Variants in HS6ST3 observed in about 807,000 individuals in gnomAD.
The protein encoded by HS6ST3 is heparan-sulfate 6-O-sulfotransferase 3.
HS6ST3 carries 12 observed loss-of-function variants against 36.7 expected under a neutral mutation model. The observed-to-expected ratio is 0.33, with a 90% CI of 0.21 to 0.53. The LOEUF (loss-of-function observed/expected upper bound fraction) is 0.53, where lower values mean the gene tolerates loss of function less well. HS6ST3 is among the 20% of genes least tolerant of loss of function. The pLI, the probability that HS6ST3 is intolerant of heterozygous loss-of-function variation, is 0.95. For synonymous variants in HS6ST3, 240 were observed against 257.5 expected (o/e 0.93, Z 0.65); for missense variants, 584 against 640.9 (o/e 0.91, Z 0.96).
At chr13:96,475,392 TGAAGGC>T (rs2138893640) in intron 1 of HS6ST3, among the ~76,000 whole-genome samples, 1 of 152,218 alleles carries the variant, frequency 6.6e-6, no homozygotes, top group East Asian at 1.9e-4. Flanking sequence ...CACATTTTCC[TGAAGGC>T]TTTGGGCACT....
chr13:96,149,566 A>T (rs891910980), intron 1 of HS6ST3, among the ~76,000 whole-genome samples: 1 of 152,190 alleles, frequency 6.6e-6, no homozygotes, highest in African/African-American at 2.4e-5. Flanking sequence ...GAGAAGAGTA[A>T]ACCAAAACAT....
intron 1 of HS6ST3, among the ~76,000 whole-genome samples, chr13:96,162,627 G>A (rs1186540170): frequency 2.0e-5 from 3 of 152,178 alleles, no homozygotes; most frequent in Non-Finnish European, 4.4e-5. Flanking sequence ...GTGATAAAAG[G>A]TGGTGTGAAG....
At chr13:96,303,713 T>C (rs544231506) in intron 1 of HS6ST3, among the ~76,000 whole-genome samples, 77 of 152,320 alleles carry the variant, frequency 5.1e-4, no homozygotes, top group Non-Finnish European at 7.3e-4. Flanking sequence ...AGGTAAAATA[T>C]ATGAATAAAT....
At position 96,291,989 on chromosome 13, in the gene HS6ST3, G is replaced by T. The variant is rs563450197; in HGVS notation, c.707+200420G>T. On this transcript the variant is annotated intron_variant, in intron 1 of 1. Transcript: ENST00000376705. ...ATTACAAGATGCTAAGAGTTATGTT[G>T]TAAGTTTTTTTTTCTGTGATTAAAT... is the stretch of plus-strand genomic sequence containing the variant. Among the ~76,000 whole-genome samples the T allele has an allele frequency of 1.2e-4, 19 of 152,172 alleles. No individual in the cohort carries two copies. In the South Asian group the frequency reaches 3.9e-3, roughly 32 times the overall value.
chr13:96,163,581 C>G (rs1291596002), intron 1 of HS6ST3, among the ~76,000 whole-genome samples: 1 of 152,070 alleles, frequency 6.6e-6, no homozygotes. Flanking sequence ...TTCTTTGGTG[C>G]CTGTCCAGGT....
intron 1 of HS6ST3, among the ~76,000 whole-genome samples, chr13:96,755,465 A>G (rs1226740611): frequency 6.6e-6 from 1 of 151,944 alleles, no homozygotes; most frequent in East Asian, 1.9e-4. Flanking sequence ...TCTGTGTTCA[A>G]GCGATTCTCC....
chr13:96,384,978 G>A (rs2055360337), intron 1 of HS6ST3, among the ~76,000 whole-genome samples: 1 of 151,984 alleles, frequency 6.6e-6, no homozygotes, highest in Admixed American at 6.6e-5. Flanking sequence ...TTGGGAGTTC[G>A]AGACCAACCT....
rs1026366277 is a variant in HS6ST3 at position 96,353,046 on chromosome 13, C to CTT, written c.707+261502_707+261503dup. The stretch of plus-strand genomic sequence containing the variant: ...GAGTGTTTACTAGAGCTAGCGTATT[C>CTT]TTTTTTTTTTTTTTTTTTTTTTTTT... On this transcript the variant is annotated intron_variant, in intron 1 of 1. Transcript: ENST00000376705. Among the ~76,000 whole-genome samples the CTT allele has an allele frequency of 4.8e-3, 408 of 85,420 alleles. 21 individuals are homozygous for CTT. The highest frequency in any genetic ancestry group is 0.015 in the African/African-American group (348 of 22,500). 56.0% of individuals were successfully genotyped at this position (85,420 alleles called of 152,430 possible). A position where few individuals can be genotyped will look rare whatever the true frequency, so the allele number is the denominator to read the frequency against.
intron 1 of HS6ST3, among the ~76,000 whole-genome samples, chr13:96,731,566 T>C (rs1876154680): frequency 6.6e-6 from 1 of 152,226 alleles, no homozygotes; most frequent in Non-Finnish European, 1.5e-5. Context: ...GGTCCAGATG[T>C]CTCTTTGATA....
intron 1 of HS6ST3, among the ~76,000 whole-genome samples, chr13:96,366,978 C>T (rs931189661): frequency 2.0e-5 from 3 of 152,168 alleles, no homozygotes; most frequent in African/African-American, 7.2e-5. Context: ...CGCCTTCTGC[C>T]GTGACAGTGA....
At chr13:96,612,526 A>G (rs1410831138) in intron 1 of HS6ST3, among the ~76,000 whole-genome samples, 1 of 152,094 alleles carries the variant, frequency 6.6e-6, no homozygotes, top group Non-Finnish European at 1.5e-5. Flanking sequence ...TCCCAGACTC[A>G]TATATCCAAC....
intron 1 of HS6ST3, among the ~76,000 whole-genome samples, chr13:96,432,904 A>G (rs919232399): frequency 2.0e-5 from 3 of 152,226 alleles, no homozygotes; most frequent in African/African-American, 7.2e-5. Context: ...GCAAATGTAT[A>G]AAATAAAAGG....
chr13:96,658,264 TC>T, intron 1 of HS6ST3, among the ~76,000 whole-genome samples: 1 of 120,066 alleles, frequency 8.3e-6, no homozygotes, highest in Admixed American at 1.0e-4. Context: ...CTTCTCTTCT[TC>T]TTCTTTTTTT....
intron 1 of HS6ST3, among the ~76,000 whole-genome samples, chr13:96,543,952 GATATATAT>G (rs10646361): frequency 2.7e-5 from 4 of 145,808 alleles, no homozygotes; most frequent in African/African-American, 1.0e-4. Context: ...ATGATGGGGA[GATATATAT>G]ATATATATAT....
intron 1 of HS6ST3, among the ~76,000 whole-genome samples, chr13:96,647,074 T>C (rs1197394575): frequency 6.6e-6 from 1 of 151,954 alleles, no homozygotes; most frequent in African/African-American, 2.4e-5. Flanking sequence ...CAATAATTCT[T>C]AGACTTAGGT....
rs900134048 is a variant in HS6ST3, at chr13:96,464,317, C to G, written c.708-368173C>G. On this transcript the variant is annotated intron_variant, in intron 1 of 1. Coordinates refer to ENST00000376705, the MANE Select transcript of HS6ST3 (RefSeq NM_153456.4). ...ATATAAACTCCTAATTTTAATTGGTCAGGGAGACAAATTTGAGGCTGATCT... is the reference window on the plus strand; with the variant it reads ...ATATAAACTCCTAATTTTAATTGGTGAGGGAGACAAATTTGAGGCTGATCT... Among the ~76,000 whole-genome samples, 6 of 151,804 alleles carry G rather than the reference C, an allele frequency of 4.0e-5. No homozygotes were observed. The East Asian group carries it at 1.2e-3, about 29-fold the overall frequency.
At chr13:96,515,667 G>GT (rs2056069470) in intron 1 of HS6ST3, among the ~76,000 whole-genome samples, 1 of 152,056 alleles carries the variant, frequency 6.6e-6, no homozygotes, top group Non-Finnish European at 1.5e-5. Flanking sequence ...AGATGTGATG[G>GT]TTTTATGTGT....
chr13:96,492,154 C>T (rs2055949276), intron 1 of HS6ST3, among the ~76,000 whole-genome samples: 1 of 152,172 alleles, frequency 6.6e-6, no homozygotes, highest in Admixed American at 6.5e-5. Flanking sequence ...GAGCGTGTCT[C>T]ACAGTTCATA....
chr13:96,239,012 C>T (rs951416861), intron 1 of HS6ST3, among the ~76,000 whole-genome samples: 3 of 152,256 alleles, frequency 2.0e-5, no homozygotes, highest in Non-Finnish European at 4.4e-5. Context: ...TGTATCTTCT[C>T]ACGGATGGGG....
Sources: gnomAD v4.1 joint callset for allele counts (sites outside exome capture counted in the v4.1 genomes callset) on GRCh38, gnomAD v4.1.1 for gene constraint, MANE v1.5 for transcripts, NCBI Gene and HGNC (gene_info 2026-07-23, HGNC 2026-07-21) for gene names.